Variants in DNAJC18 observed in about 807,000 individuals in gnomAD.
DNAJC18 encodes DnaJ heat shock protein family (Hsp40) member C18.
DNAJC18 carries 40 observed loss-of-function variants against 48.6 expected under a neutral mutation model. The ratio of observed to expected loss-of-function variants is 0.82; its 90% confidence interval spans 0.64 to 1.07. DNAJC18 has a LOEUF of 1.07. Ranked by LOEUF, DNAJC18 falls within the 50% of genes least tolerant of loss-of-function variation. DNAJC18 has a pLI of 0.00. For synonymous variants in DNAJC18, 135 were observed against 152.2 expected (o/e 0.89, Z 0.83); for missense variants, 340 against 427.7 (o/e 0.79, Z 1.81).
chr5:139,422,229 T>A (rs149960560), intron 6 of DNAJC18, among the ~76,000 whole-genome samples: 1 of 152,326 alleles, frequency 6.6e-6, no homozygotes, highest in East Asian at 1.9e-4. Context: ...TTAAAAATCC[T>A]ATCAGAGTTT....
intron 3 of DNAJC18, among the ~76,000 whole-genome samples, chr5:139,426,658 T>C (rs1479847716): frequency 6.6e-6 from 1 of 152,192 alleles, no homozygotes; most frequent in Non-Finnish European, 1.5e-5. Flanking sequence ...CCCCCCTCAG[T>C]TCGGGTTCCC....
rs751289097 is a variant in DNAJC18 at position 139,439,425 on chromosome 5, G to A, written c.21C>T (p.Ser7=). The part of the protein sequence containing the change: MAATLG[S]GERWTEAYID... Reference sequence around the variant, plus strand: ...TAGTACCTTCCGTCCAGCGCTCCCCGCTGCCCAGAGTCGCCGCCATATCGG... The same window carrying A: ...TAGTACCTTCCGTCCAGCGCTCCCCACTGCCCAGAGTCGCCGCCATATCGG... The change falls in exon 1 of 8, where the codon AGC becomes AGT. Residue 7 remains serine (S), a synonymous_variant. Transcript: ENST00000302060. This position sits in a 1 kb window ranked among gnomAD's most constrained non-coding sequence, Gnocchi z 4.1. The A allele has an allele frequency of 2.0e-5, 32 of 1,613,760 alleles. No individual in the cohort carries two copies. Among genetic ancestry groups the A allele is most frequent in the Non-Finnish European group, 2.0e-5 (24 of 1,180,016 alleles).
Position 139,435,139 on chromosome 5 carries a change from T to C in DNAJC18, c.227+2233A>G, listed in dbSNP as rs145905136. Among the ~76,000 whole-genome samples, 121 of 152,190 alleles carry C rather than the reference T, an allele frequency of 8.0e-4. 3 individuals carry two copies. In the East Asian group the frequency reaches 0.023, roughly 29 times the overall value. On this transcript the variant is annotated intron_variant, in intron 2 of 7. Coordinates refer to ENST00000302060, the MANE Select transcript of DNAJC18 (RefSeq NM_152686.4). ...ACTTTGGGAGGCCGAGGCGGGCAGA[T>C]CACAAGGTCACGAGACCATCCTGGC...
At chr5:139,428,186 C>T (rs1057024548) in intron 3 of DNAJC18, among the ~76,000 whole-genome samples, 4 of 152,170 alleles carry the variant, frequency 2.6e-5, no homozygotes, top group Admixed American at 2.0e-4. Flanking sequence ...TACTTGAGCT[C>T]AGGAGTTTGA....
At chr5:139,419,954 C>A in intron 7 of DNAJC18, 99 bp downstream of exon 7, 1 of 1,222,946 alleles carries the variant, frequency 8.2e-7, no homozygotes. Flanking sequence ...CATAAACATG[C>A]GTAGCCTCAA....
chr5:139,435,717 T>G lies in DNAJC18; in HGVS notation c.227+1655A>C, dbSNP rs1002365639. 5.9e-5 allele frequency among the ~76,000 whole-genome samples: 7 copies of G among 119,346 alleles called. 1 individual carries two copies. The highest frequency in any genetic ancestry group is 8.7e-5 in the Non-Finnish European group (5 of 57,352). 78.3% of individuals were successfully genotyped at this position (119,346 alleles called of 152,430 possible). On this transcript the variant is annotated intron_variant, in intron 2 of 7. Transcript: ENST00000302060. ...TTCTTCATTGGAAGTTTTTTTTTTT[T>G]TTTTTTTTTTTTTTTCAGACAAGGT...
chr5:139,414,403 G>C (rs1050341872), intron 7 of DNAJC18, 131 bp from the exon 8 acceptor site: 4 of 1,330,076 alleles, frequency 3.0e-6, no homozygotes, highest in Non-Finnish European at 4.0e-6. Context: ...GAAACATTTA[G>C]TCATTTATTC....
intron 2 of DNAJC18, among the ~76,000 whole-genome samples, chr5:139,434,164 T>G (rs1454289626): frequency 6.6e-6 from 1 of 152,214 alleles, no homozygotes; most frequent in Middle Eastern, 3.2e-3. Flanking sequence ...GTGCTGAGAT[T>G]ACAGATGTGA....
In DNAJC18 at chr5:139,411,548, T is replaced by A. The variant is rs2152081623; in HGVS notation, c.*2600A>T. The A allele has an allele frequency of 6.6e-6, 1 of 152,302 alleles. No homozygotes were observed. The highest frequency in any genetic ancestry group is 6.5e-5 in the Admixed American group (1 of 15,292). 9.4% of individuals were successfully genotyped at this position (152,302 alleles called of 1,614,324 possible). The stretch of plus-strand genomic sequence containing the variant: ...CCATGCAGACAACCCATCTAAAATA[T>A]AACCCAGGAAATTATAGCTTCACAA... On this transcript the variant is annotated 3_prime_UTR_variant, in exon 8 of 8. Coordinates refer to ENST00000302060, the MANE Select transcript of DNAJC18 (RefSeq NM_152686.4).
rs1759007698 is a variant in DNAJC18 at position 139,412,396 on chromosome 5, G to T, written c.*1752C>A. The T allele has an allele frequency of 8.8e-6, 2 of 227,274 alleles. No individual in the cohort carries two copies. The highest frequency in any genetic ancestry group is 1.8e-4 in the East Asian group (2 of 11,206). 14.1% of individuals were successfully genotyped at this position (227,274 alleles called of 1,614,324 possible). On this transcript the variant is annotated 3_prime_UTR_variant, in exon 8 of 8. Transcript: ENST00000302060. The stretch of plus-strand genomic sequence containing the variant: ...ATGCCTCAGCCTCCCGAGTAGCTGG[G>T]ACTACAGGCATGTGCCACCACACCT...
At chr5:139,418,030 G>A (rs1759095691) in intron 7 of DNAJC18, among the ~76,000 whole-genome samples, 1 of 152,144 alleles carries the variant, frequency 6.6e-6, no homozygotes, top group South Asian at 2.1e-4. Flanking sequence ...GAAGATGTGG[G>A]GCAGGCGGGT....
At chr5:139,436,086 T>C (rs1750652495) in intron 2 of DNAJC18, among the ~76,000 whole-genome samples, 1 of 151,880 alleles carries the variant, frequency 6.6e-6, no homozygotes. Flanking sequence ...GGTTTTCCTT[T>C]TTTTTTTCTT....
chr5:139,436,579 C>T (rs1198605655), intron 2 of DNAJC18, among the ~76,000 whole-genome samples: 2 of 124,692 alleles, frequency 1.6e-5, no homozygotes, highest in African/African-American at 6.4e-5. Context: ...TTATGACTCA[C>T]TGTAGCTTCA....
intron 7 of DNAJC18, among the ~76,000 whole-genome samples, chr5:139,415,890 A>G (rs181576952): frequency 5.3e-5 from 8 of 152,322 alleles, no homozygotes; most frequent in African/African-American, 1.7e-4. Flanking sequence ...TCATTCCCTG[A>G]AATCTTGTTC....
chr5:139,435,706 T>TTTTTTTTG (rs1750630457), intron 2 of DNAJC18, among the ~76,000 whole-genome samples: 2 of 39,292 alleles, frequency 5.1e-5, no homozygotes, highest in Non-Finnish European at 9.3e-5. Flanking sequence ...TCATTGGAAG[T>TTTTTTTTG]TTTTTTTTTT....
chr5:139,417,867 C>A (rs1046244104), intron 7 of DNAJC18, among the ~76,000 whole-genome samples: 2 of 152,132 alleles, frequency 1.3e-5, no homozygotes, highest in African/African-American at 4.8e-5. Flanking sequence ...AGCCACCACA[C>A]CTGGCCACTC....
At chr5:139,437,658 G>T in intron 1 of DNAJC18, 100 bp from the exon 2 acceptor site, 2 of 1,404,568 alleles carry the variant, frequency 1.4e-6, no homozygotes, top group Non-Finnish European at 1.9e-6. Flanking sequence ...AGCATGAGAA[G>T]GTAAGCATGA....
rs1750738364 is a variant in DNAJC18, at chr5:139,439,061, A to G, written c.40+345T>C. Among the ~76,000 whole-genome samples the G allele has an allele frequency of 6.6e-6, 1 of 152,206 alleles. No homozygotes were observed. The highest frequency in any genetic ancestry group is 1.5e-5 in the Non-Finnish European group (1 of 68,034). On this transcript the variant is annotated intron_variant, in intron 1 of 7. Transcript: ENST00000302060. The surrounding 1 kb of genome is among the most constrained non-coding windows in gnomAD (Gnocchi z 4.1). ...AAGGTCAGGTGGCCCAGTTAGGCGA[A>G]AGATAAGGGCCAGGTTAGCAAGCTG...
At chr5:139,426,104 A>T in intron 4 of DNAJC18, 68 bp downstream of exon 4, 4 of 1,517,936 alleles carry the variant, frequency 2.6e-6, no homozygotes, top group Non-Finnish European at 3.6e-6. Flanking sequence ...TCAGATTTTC[A>T]AACAGGAGCT....
Sources: allele counts gnomAD v4.1 joint callset (sites outside exome capture counted in the v4.1 genomes callset), GRCh38; gene constraint gnomAD v4.1.1; non-coding constraint Gnocchi (gnomAD v3.1); transcripts MANE v1.5; gene names NCBI Gene and HGNC (gene_info 2026-07-23, HGNC 2026-07-21).